Variants in C9 observed in about 807,000 individuals in gnomAD.
C9 encodes the protein complement component C9.
In C9, 63 loss-of-function variants were observed where a neutral mutation model predicts 65.4. The ratio of observed to expected loss-of-function variants is 0.96; its 90% CI spans 0.79 to 1.19. The LOEUF is 1.19. Among genes scored for constraint, C9 ranks in the 50% most tolerant of loss-of-function variants. The pLI, the probability that C9 is intolerant of heterozygous loss-of-function variation, is 0.00. For synonymous variants in C9, 229 were observed against 227.9 expected (o/e 1.00, Z -0.04); for missense variants, 744 against 670.1 (o/e 1.11, Z -1.22).
chr5:39,342,855 T>C (rs893663854), intron 1 of C9, among the ~76,000 whole-genome samples: 2 of 152,210 alleles, frequency 1.3e-5, no homozygotes, highest in Admixed American at 6.5e-5. Flanking sequence ...CAGCAAGGCT[T>C]TTCTGGCTTT....
chr5:39,353,346 A>G (rs1754356088), intron 1 of C9, among the ~76,000 whole-genome samples: 1 of 152,222 alleles, frequency 6.6e-6, no homozygotes, highest in Non-Finnish European at 1.5e-5. Context: ...CTGTGATAGG[A>G]AACAAAAGCA....
intron 5 of C9, among the ~76,000 whole-genome samples, chr5:39,321,012 T>A (rs955201644): frequency 4.6e-5 from 7 of 152,108 alleles, no homozygotes; most frequent in African/African-American, 1.7e-4. Flanking sequence ...TAGACCTTCC[T>A]ATAAGAAATG....
rs1753472879 is a variant in C9 at position 39,311,053 on chromosome 5, C to T, written c.1111+84G>A. The T allele has an allele frequency of 6.8e-6, 10 of 1,463,466 alleles. No individual in the cohort carries two copies. In the South Asian group the frequency reaches 1.0e-4, roughly 15 times the overall value. 90.7% of individuals were successfully genotyped at this position (1,463,466 alleles called of 1,614,324 possible). A position where few individuals can be genotyped will look rare whatever the true frequency, so the allele number is the denominator to read the frequency against. On this transcript the variant is annotated intron_variant, in intron 7 of 10. Coordinates refer to ENST00000263408, the MANE Select transcript of C9 (RefSeq NM_001737.5). ...GTTACAGGGCTTTGTATTCTTAAGA[C>T]TTTAACCATTGAAACAGGTTGGTGA...
In C9 at chr5:39,341,416, G is replaced by A. The variant is rs568694826; in HGVS notation, c.329-123C>T. 4.5e-3 allele frequency: 6,460 copies of A among 1,428,802 alleles called. 27 individuals are homozygous for A. The highest frequency in any genetic ancestry group is 5.5e-3 in the Non-Finnish European group (5,609 of 1,013,172). The allele number at this position is 1,428,802 out of a possible 1,614,324, so 88.5% of individuals were successfully genotyped here. On this transcript the variant is annotated intron_variant, in intron 3 of 10. Transcript: ENST00000263408. ...TCAGAAAAACACATTTGAGTTCTTT[G>A]TACAGAATATATAGATGGCCTCTTT...
At chr5:39,306,033 C>T (rs1033240112) in intron 9 of C9, among the ~76,000 whole-genome samples, 23 of 151,766 alleles carry the variant, frequency 1.5e-4, no homozygotes, top group African/African-American at 5.3e-4. Context: ...TGTGGTGGTG[C>T]GCATCTGTAA....
At chr5:39,332,877 C>A (rs558462924) in intron 4 of C9, among the ~76,000 whole-genome samples, 2 of 152,306 alleles carry the variant, frequency 1.3e-5, no homozygotes, top group South Asian at 4.1e-4. Context: ...AAAACAACAT[C>A]TTTATATAAA....
chr5:39,316,719 TACC>T (rs1409093560), intron 5 of C9, among the ~76,000 whole-genome samples: 1 of 152,356 alleles, frequency 6.6e-6, no homozygotes, highest in African/African-American at 2.4e-5. Context: ...GGTGTATATG[TACC>T]ACATTTTCTT....
chr5:39,359,280 A>G (rs958468986), intron 1 of C9, among the ~76,000 whole-genome samples: 1 of 151,480 alleles, frequency 6.6e-6, no homozygotes, highest in African/African-American at 2.4e-5. Flanking sequence ...TTCTCCAGAC[A>G]TGTTATGTTT....
At chr5:39,318,911 T>G (rs1392855964) in intron 5 of C9, among the ~76,000 whole-genome samples, 1 of 152,220 alleles carries the variant, frequency 6.6e-6, no homozygotes, top group Admixed American at 6.5e-5. Flanking sequence ...TTTAATATAG[T>G]CTAAACTAGA....
chr5:39,291,026 T>C lies in C9; in HGVS notation c.1417-2075A>G, dbSNP rs1212071871. Among the ~76,000 whole-genome samples, 3 of 152,048 alleles carry C rather than the reference T, an allele frequency of 2.0e-5. No individual in the cohort carries two copies. In the East Asian group the frequency reaches 5.8e-4, roughly 29 times the overall value. ...CATCAGGCTACTCCTATAATAATTT[T>C]ACGTACAGTATTTAGCCCACAGTAA... is the stretch of plus-strand genomic sequence containing the variant. On this transcript the variant is annotated intron_variant, in intron 9 of 10. Transcript: ENST00000263408.
At chr5:39,312,429 A>C (rs956548588) in intron 6 of C9, among the ~76,000 whole-genome samples, 2 of 152,228 alleles carry the variant, frequency 1.3e-5, no homozygotes, top group African/African-American at 4.8e-5. Flanking sequence ...GTCCCAAAAC[A>C]TATGAATAAT....
At chr5:39,317,278 T>A (rs1317758426) in intron 5 of C9, among the ~76,000 whole-genome samples, 1 of 152,016 alleles carries the variant, frequency 6.6e-6, no homozygotes, top group Admixed American at 6.6e-5. Context: ...TTGCAAAAAT[T>A]TTCACCTATT....
intron 8 of C9, 131 bp from the exon 9 acceptor site, chr5:39,306,923 A>T: frequency 1.6e-6 from 1 of 642,246 alleles, no homozygotes; most frequent in Admixed American, 2.9e-5. Context: ...ATTAAATTTT[A>T]ATTGTAAATA....
intron 6 of C9, among the ~76,000 whole-genome samples, chr5:39,312,345 G>A (rs155374): frequency 0.41 from 62,248 of 151,978 alleles, 13,489 homozygotes; most frequent in East Asian, 0.64. Flanking sequence ...GGAAGGAAAT[G>A]GAGACATTAT....
At chr5:39,335,793 G>T (rs560029458) in intron 4 of C9, among the ~76,000 whole-genome samples, 3 of 151,974 alleles carry the variant, frequency 2.0e-5, no homozygotes, top group Non-Finnish European at 2.9e-5. Context: ...CCATGGGAGG[G>T]TCATTAAAAG....
At chr5:39,320,752 A>G (rs1753652398) in intron 5 of C9, among the ~76,000 whole-genome samples, 1 of 152,206 alleles carries the variant, frequency 6.6e-6, no homozygotes, top group African/African-American at 2.4e-5. Flanking sequence ...CAAAAGTCAT[A>G]CAATAAGGAG....
intron 3 of C9, 68 bp downstream of exon 3, chr5:39,341,486 CTT>C: frequency 2.8e-6 from 4 of 1,443,964 alleles, no homozygotes; most frequent in South Asian, 1.2e-5. Flanking sequence ...GAAGCATATG[CTT>C]TTTTTTTTCT....
chr5:39,288,930 C>T lies in C9; in HGVS notation c.1438G>A (p.Val480Ile). ...SQKLSPIYNL[V>I]PVKMKNAHLK... ...TGTGCATTTTTCATTTTCACTGGAA[C>T]CAGATTATATATAGGAGACAGCTGA... Residue 480 changes from valine to isoleucine, a missense_variant, in exon 10 of 11, where the codon GTT (valine) becomes ATT (isoleucine). By Grantham distance (29) the Val-to-Ile change is conservative (BLOSUM62 3). Transcript: ENST00000263408. 1.9e-6 allele frequency: 3 copies of T among 1,603,348 alleles called. No individual in the cohort carries two copies. The highest frequency in any genetic ancestry group is 2.2e-5 in the South Asian group (2 of 90,842).
chr5:39,319,593 C>G (rs1753631459), intron 5 of C9, among the ~76,000 whole-genome samples: 1 of 152,152 alleles, frequency 6.6e-6, no homozygotes, highest in South Asian at 2.1e-4. Context: ...GACTCAGTCT[C>G]AAAGGCTGGT....
Sources: allele counts gnomAD v4.1 joint callset (sites outside exome capture counted in the v4.1 genomes callset), GRCh38; gene constraint gnomAD v4.1.1; transcripts MANE v1.5; gene names NCBI Gene and HGNC (gene_info 2026-07-23, HGNC 2026-07-21).